PEAK1: variants seen among roughly 807,000 people sequenced by gnomAD.
The protein encoded by PEAK1 is pseudopodium enriched atypical kinase 1.
A neutral mutation model predicts 124.7 loss-of-function variants in PEAK1; 54 were observed. The observed-to-expected ratio is 0.43, with a 90% CI of 0.35 to 0.54. The LOEUF is 0.54. PEAK1 is among the 20% of genes least tolerant of loss of function. The pLI is 0.01. For missense variants in PEAK1, 2,046 were observed against 2,134.5 expected (o/e 0.96, Z 0.82); for synonymous variants, 719 against 760.0 (o/e 0.95, Z 0.89).
At chr15:77,195,037 A>G (rs921009900) in intron 6 of PEAK1, among the ~76,000 whole-genome samples, 2 of 152,268 alleles carry the variant, frequency 1.3e-5, no homozygotes, top group African/African-American at 4.8e-5. Context: ...TTTTGGAAAG[A>G]TTTTTAAACA....
At chr15:77,371,350 A>C (rs1340501844) in intron 1 of PEAK1, 1 of 916,018 alleles carries the variant, frequency 1.1e-6, no homozygotes, top group African/African-American at 1.8e-5. Context: ...AGTATAATAG[A>C]AAGTAGAGAG....
chr15:77,419,714 C>T (rs1483986735), intron 1 of PEAK1: 3 of 971,116 alleles, frequency 3.1e-6, no homozygotes, highest in South Asian at 4.8e-5. Context: ...CTCTGGGGGG[C>T]GTCGCGCTCC....
chr15:77,292,663 G>A (rs1008497782), intron 2 of PEAK1, among the ~76,000 whole-genome samples: 1 of 152,072 alleles, frequency 6.6e-6, no homozygotes, highest in African/African-American at 2.4e-5. Context: ...TTACCACTCC[G>A]AGCGTGCCTG....
intron 6 of PEAK1, among the ~76,000 whole-genome samples, chr15:77,242,990 A>G: frequency 6.6e-6 from 1 of 152,198 alleles, no homozygotes; most frequent in Admixed American, 6.5e-5. Flanking sequence ...ATCACTCACA[A>G]TTAGCCTGTA....
chr15:77,253,877 G>T (rs62008424), intron 5 of PEAK1, among the ~76,000 whole-genome samples: 3,432 of 152,226 alleles, frequency 0.023, 72 homozygotes, highest in Admixed American at 0.057. Context: ...AGGCTCAAGT[G>T]CCACGATATT....
chr15:77,274,250 G>A (rs567979886), intron 5 of PEAK1, among the ~76,000 whole-genome samples: 9 of 152,136 alleles, frequency 5.9e-5, no homozygotes, highest in African/African-American at 1.7e-4. Flanking sequence ...GAAAGCAAAC[G>A]CAACAAAAAC....
intron 2 of PEAK1, among the ~76,000 whole-genome samples, chr15:77,354,803 GC>G (rs2067408133): frequency 6.6e-6 from 1 of 152,206 alleles, no homozygotes; most frequent in African/African-American, 2.4e-5. Context: ...ACTTTGGGAG[GC>G]CGATGGTGGA....
At chr15:77,371,378 T>C (rs2068629654) in intron 1 of PEAK1, 1 of 934,066 alleles carries the variant, frequency 1.1e-6, no homozygotes, top group Non-Finnish European at 1.3e-6. Context: ...GGAACATTAA[T>C]TGAAAGTGTT....
At chr15:77,126,230 C>T (rs1279286966) in intron 9 of PEAK1, among the ~76,000 whole-genome samples, 1 of 152,174 alleles carries the variant, frequency 6.6e-6, no homozygotes, top group Non-Finnish European at 1.5e-5. Flanking sequence ...TTTCATGTGA[C>T]ATTTAAAAAA....
Position 77,108,859 on chromosome 15 carries a change from A to C in PEAK1, c.*5297T>G, listed in dbSNP as rs1395584413. 6.6e-6 allele frequency: 1 copy of C among 152,222 alleles called. No individual in the cohort carries two copies. Among genetic ancestry groups the C allele is most frequent in the South Asian group, 2.1e-4 (1 of 4,828 alleles). 9.4% of individuals were successfully genotyped at this position (152,222 alleles called of 1,614,324 possible). On this transcript the variant is annotated 3_prime_UTR_variant, in exon 10 of 10. Coordinates refer to ENST00000682557, the MANE Select transcript of PEAK1 (RefSeq NM_001385026.1). ...GGGACACGTCAAGATAAAAAGCTGGAATAAACCCAGAGACTTTCTGGAGTG... is the reference window on the plus strand; with the variant it reads ...GGGACACGTCAAGATAAAAAGCTGGCATAAACCCAGAGACTTTCTGGAGTG...
chr15:77,387,747 CAATTAAA>C (rs1291516270), intron 1 of PEAK1, among the ~76,000 whole-genome samples: 2 of 151,974 alleles, frequency 1.3e-5, no homozygotes, highest in Non-Finnish European at 2.9e-5. Context: ...TATAGCAAAA[CAATTAAA>C]AATTAAAAAT....
intron 1 of PEAK1, among the ~76,000 whole-genome samples, chr15:77,395,358 CAG>C (rs371524793): frequency 1.3e-5 from 2 of 151,246 alleles, no homozygotes; most frequent in Non-Finnish European, 1.5e-5. Flanking sequence ...AAAGAGGAGG[CAG>C]AGAGAGAGAG....
chr15:77,276,241 AGTAAACCCCAAACAGT>A (rs2062318555), intron 5 of PEAK1, among the ~76,000 whole-genome samples: 1 of 152,214 alleles, frequency 6.6e-6, no homozygotes, highest in Non-Finnish European at 1.5e-5. Flanking sequence ...CAAGAAGACA[AGTAAACCCCAAACAGT>A]GTAAACCCCA....
chr15:77,122,194 G>C (rs1444280379), intron 9 of PEAK1, among the ~76,000 whole-genome samples: 1 of 152,202 alleles, frequency 6.6e-6, no homozygotes, highest in African/African-American at 2.4e-5. Flanking sequence ...GTAGGAATCT[G>C]CTATGAGAAC....
intron 1 of PEAK1, chr15:77,418,885 T>C (rs1249628532): frequency 1.0e-6 from 1 of 985,254 alleles, no homozygotes; most frequent in African/African-American, 1.7e-5. Context: ...CAAAACAGAA[T>C]CCTCAAGGCA....
intron 5 of PEAK1, among the ~76,000 whole-genome samples, chr15:77,279,975 A>C (rs2062574366): frequency 6.6e-6 from 1 of 152,174 alleles, no homozygotes; most frequent in Non-Finnish European, 1.5e-5. Flanking sequence ...GGGTGATGGG[A>C]CTGTTTGTTT....
chr15:77,164,587 C>G (rs980545149), intron 7 of PEAK1, among the ~76,000 whole-genome samples: 2 of 152,206 alleles, frequency 1.3e-5, no homozygotes, highest in Non-Finnish European at 2.9e-5. Context: ...AAATCACTGT[C>G]ACTTTCACAA....
intron 6 of PEAK1, among the ~76,000 whole-genome samples, chr15:77,214,460 CAA>C (rs780048671): frequency 6.9e-5 from 9 of 130,450 alleles, no homozygotes; most frequent in African/African-American, 8.4e-5. Context: ...ACTAAAAATA[CAA>C]AAAAAAAAAA....
intron 2 of PEAK1, among the ~76,000 whole-genome samples, chr15:77,313,704 ATGTATGTGTGTGTGTGTGTGTG>A (rs2064667261): frequency 2.7e-5 from 3 of 112,478 alleles, no homozygotes; most frequent in Admixed American, 9.2e-5. Context: ...ATATATATAT[ATGTATGTGTGTGTGTGTGTGTG>A]TATATATATA....
Sources: allele counts gnomAD v4.1 joint callset (sites outside exome capture counted in the v4.1 genomes callset), GRCh38; gene constraint gnomAD v4.1.1; transcripts MANE v1.5; gene names NCBI Gene and HGNC (gene_info 2026-07-23, HGNC 2026-07-21).